Variants in CNBD2 observed in about 807,000 individuals in gnomAD.
CNBD2 encodes cyclic nucleotide binding domain containing 2.
A neutral mutation model predicts 63.7 loss-of-function variants in CNBD2; 64 were observed. The ratio of observed to expected loss-of-function variants is 1.00; its 90% CI spans 0.82 to 1.24. CNBD2 has a LOEUF of 1.24. Ranked by LOEUF, CNBD2 falls within the 50% of genes most tolerant of loss-of-function variation. CNBD2 has a pLI of 0.00. For missense variants in CNBD2, 691 were observed against 713.5 expected, an observed-to-expected ratio of 0.97 and a Z score of 0.36; for synonymous variants, 229 against 255.4, an observed-to-expected ratio of 0.90 and a Z score of 0.99.
Position 35,995,098 on chromosome 20 carries a change from A to C in CNBD2, c.916A>C (p.Ile306Leu). 6.2e-7 allele frequency: 1 copy of C among 1,614,048 alleles called. No individual in the cohort carries two copies. Residue 306 changes from isoleucine (I) to leucine (L), a missense_variant, in exon 8 of 12, where the codon ATC (isoleucine) becomes CTC (leucine). Transcript: ENST00000373973. ...GGCCTCCCCTTCCTACCGTAGATGG[A>C]TCTGGCAGCACCTGGAGCTGATAGA... ...LGASPSYRRW[I>L]WQHLELIDGR... is the part of the protein sequence containing the mutation.
chr20:35,976,987 G>A (rs566161890), intron 3 of CNBD2, among the ~76,000 whole-genome samples: 27 of 152,120 alleles, frequency 1.8e-4, no homozygotes, highest in African/African-American at 5.3e-4. Context: ...CTTATTTTTC[G>A]TGCCCCCTCG....
In CNBD2 at chr20:35,987,520, T is replaced by C; in HGVS notation, c.842T>C (p.Met281Thr). ...SKDFGESPFIMFISKGSCEVL... is the reference protein window; with the variant it reads ...SKDFGESPFITFISKGSCEVL... ...GATTTTGGAGAGTCACCCTTCATCA[T>C]GTTTATCAGCAAGGTGAAAAGTCTG... The change falls in exon 7 of 12, where the codon ATG becomes ACG. Residue 281 changes from methionine (M) to threonine (T), a missense_variant. Physicochemically the swap from Met to Thr is moderately conservative, Grantham distance 81. Coordinates refer to ENST00000373973, the MANE Select transcript of CNBD2 (RefSeq NM_001365709.1). 1 of 1,614,200 alleles carries C rather than the reference T, an allele frequency of 6.2e-7. No homozygotes were observed. The highest frequency in any genetic ancestry group is 8.5e-7 in the Non-Finnish European group (1 of 1,180,024).
At chr20:36,013,412 C>T (rs963627497) in intron 10 of CNBD2, among the ~76,000 whole-genome samples, 4 of 151,556 alleles carry the variant, frequency 2.6e-5, no homozygotes, top group Non-Finnish European at 5.9e-5. Context: ...AGCGAGACTC[C>T]ATCTCAAAAA....
At position 36,001,471 on chromosome 20, in the gene CNBD2, G is replaced by A. The variant is rs1398972272; in HGVS notation, c.970+6319G>A. Reference sequence around the variant, plus strand: ...CAGAGGCGCCCCTCACCTCCCAGACGGGGCGGCTGGCCGGGCGGGGGGCTG... The same window carrying A: ...CAGAGGCGCCCCTCACCTCCCAGACAGGGCGGCTGGCCGGGCGGGGGGCTG... On this transcript the variant is annotated intron_variant, in intron 8 of 11. Transcript: ENST00000373973. Among the ~76,000 whole-genome samples the A allele has an allele frequency of 3.0e-4, 46 of 151,054 alleles. No individual in the cohort carries two copies. In the East Asian group the frequency reaches 8.5e-3, roughly 28 times the overall value.
chr20:36,001,213 C>T (rs1389125300), intron 8 of CNBD2, among the ~76,000 whole-genome samples: 18 of 152,212 alleles, frequency 1.2e-4, no homozygotes, highest in East Asian at 3.9e-4. Context: ...TCCACAAAAC[C>T]GCCATTGTCA....
chr20:35,995,161 C>A lies in CNBD2; in HGVS notation c.970+9C>A. On this transcript the variant is annotated intron_variant, in intron 8 of 11. Transcript: ENST00000373973. ...GAAGACCCACCTGAGTGGTAAGCTG[C>A]CTTGGCCTGTCTGACAGCAGGGGGC... 4.4e-6 allele frequency: 7 copies of A among 1,597,242 alleles called. No individual in the cohort carries two copies. Among genetic ancestry groups the A allele is most frequent in the Non-Finnish European group, 5.1e-6 (6 of 1,165,670 alleles).
intron 3 of CNBD2, among the ~76,000 whole-genome samples, chr20:35,976,432 T>C (rs929416138): frequency 6.6e-6 from 1 of 152,164 alleles, no homozygotes; most frequent in Non-Finnish European, 1.5e-5. Context: ...CACCTGGGTG[T>C]CAGATACCCT....
intron 8 of CNBD2, among the ~76,000 whole-genome samples, chr20:36,007,644 T>A (rs537220019): frequency 1.3e-5 from 2 of 152,248 alleles, no homozygotes; most frequent in African/African-American, 4.8e-5. Flanking sequence ...CATCTCAGTG[T>A]CCCCAGTTGC....
intron 10 of CNBD2, among the ~76,000 whole-genome samples, chr20:36,022,782 GCTAA>G (rs2057234669): frequency 6.6e-6 from 1 of 151,428 alleles, no homozygotes; most frequent in Non-Finnish European, 1.5e-5. Flanking sequence ...ATCACATCTG[GCTAA>G]CTTTTATAAT....
chr20:36,020,122 G>A (rs750924675), intron 10 of CNBD2, among the ~76,000 whole-genome samples: 41 of 151,496 alleles, frequency 2.7e-4, no homozygotes, highest in Non-Finnish European at 3.2e-4. Context: ...TCGCTGTGTC[G>A]CCCAGGCTGG....
chr20:35,989,733 A>ATGG (rs1425694426), intron 7 of CNBD2, among the ~76,000 whole-genome samples: 4 of 152,216 alleles, frequency 2.6e-5, no homozygotes, highest in Non-Finnish European at 5.9e-5. Flanking sequence ...GGAGCTGGGC[A>ATGG]TGGTGGCTGA....
At chr20:35,999,944 G>T (rs2056874078) in intron 8 of CNBD2, among the ~76,000 whole-genome samples, 1 of 152,126 alleles carries the variant, frequency 6.6e-6, no homozygotes, top group African/African-American at 2.4e-5. Flanking sequence ...CTCCCAAAGT[G>T]CTGGGATTAC....
intron 10 of CNBD2, among the ~76,000 whole-genome samples, chr20:36,021,941 G>A (rs1269127352): frequency 5.2e-5 from 4 of 76,546 alleles, no homozygotes; most frequent in Non-Finnish European, 8.7e-5. Flanking sequence ...ACAGAGGCCT[G>A]CAGGAAAGTG....
chr20:35,987,200 G>A (rs1191101752), intron 6 of CNBD2, among the ~76,000 whole-genome samples, 195 bp from the exon 7 acceptor site: 4 of 152,160 alleles, frequency 2.6e-5, no homozygotes, highest in African/African-American at 7.2e-5. Flanking sequence ...AGGGCCTTGG[G>A]AAAAGGAGGA....
At chr20:36,008,619 C>G in intron 9 of CNBD2, 145 bp downstream of exon 9, 1 of 743,072 alleles carries the variant, frequency 1.3e-6, no homozygotes, top group Non-Finnish European at 2.1e-6. Context: ...ATGAGGCAAC[C>G]TAGAGATGTC....
At chr20:35,993,630 A>G (rs1249575050) in intron 7 of CNBD2, among the ~76,000 whole-genome samples, 2 of 152,162 alleles carry the variant, frequency 1.3e-5, no homozygotes, top group South Asian at 2.1e-4. Context: ...TATACATCTT[A>G]TATGTTCATA....
chr20:35,987,260 T>C, intron 6 of CNBD2, 135 bp from the exon 7 acceptor site: 5 of 912,770 alleles, frequency 5.5e-6, no homozygotes, highest in South Asian at 1.6e-5. Flanking sequence ...CAAGGCCAGG[T>C]AATTGGGCAG....
intron 6 of CNBD2, among the ~76,000 whole-genome samples, 188 bp downstream of exon 6, chr20:35,984,966 A>C (rs1296077501): frequency 6.6e-6 from 1 of 151,898 alleles, no homozygotes; most frequent in Non-Finnish European, 1.5e-5. Flanking sequence ...CTCAGCTCAA[A>C]TATCCCTTCT....
rs769083231 is a variant in CNBD2 at position 35,995,134 on chromosome 20, C to T, written c.952C>T (p.Leu318=). ...QHLELIDGRP[L]KTHLSEYSPM... ...CCTGGAGCTGATAGATGGCAGACCT[C>T]TGAAGACCCACCTGAGTGGTAAGCT... The change falls in exon 8 of 12, where the codon CTG becomes TTG. Residue 318 remains leucine (L), a synonymous_variant. Transcript: ENST00000373973. The T allele has an allele frequency of 6.2e-7, 1 of 1,613,754 alleles. No homozygotes were observed. Among genetic ancestry groups the T allele is most frequent in the South Asian group, 1.1e-5 (1 of 91,082 alleles).
Sources: gnomAD v4.1 joint callset for allele counts (sites outside exome capture counted in the v4.1 genomes callset) on GRCh38, gnomAD v4.1.1 for gene constraint, MANE v1.5 for transcripts, NCBI Gene and HGNC (gene_info 2026-07-23, HGNC 2026-07-21) for gene names.